Variants in CTNNA3 observed in about 807,000 individuals in gnomAD.
CTNNA3 encodes catenin alpha-3.
A neutral mutation model predicts 95.7 loss-of-function variants in CTNNA3; 76 were observed. The ratio of observed to expected loss-of-function variants is 0.79; its 90% CI spans 0.66 to 0.96. The LOEUF is 0.96. CTNNA3 is among the 40% of genes least tolerant of loss of function. The pLI, the probability that CTNNA3 is intolerant of heterozygous loss-of-function variation, is 0.00. For missense variants in CTNNA3, 1,191 were observed against 1,089.8 expected (o/e 1.09, Z -1.31); for synonymous variants, 431 against 374.4 (o/e 1.15, Z -1.74).
At chr10:66,928,420 A>C (rs752474332) in intron 7 of CTNNA3, 1 of 1,611,276 alleles carries the variant, frequency 6.2e-7, no homozygotes, top group East Asian at 2.2e-5. Context: ...GGGACCCTGC[A>C]CCTATAACAA....
In CTNNA3 at chr10:66,519,381, C is replaced by T. The variant is rs186035904; in HGVS notation, c.1531+1236G>A. 1.4e-3 allele frequency among the ~76,000 whole-genome samples: 216 copies of T among 152,240 alleles called. 5 individuals are homozygous for T. Among genetic ancestry groups the T allele is most frequent in the Middle Eastern group, 3.4e-3 (1 of 294 alleles). Reference sequence around the variant, plus strand: ...TTGTTTGTTTAATTCTTTAGATTAGCACTGTCAAATACATATAATGGTTGT... The same window carrying T: ...TTGTTTGTTTAATTCTTTAGATTAGTACTGTCAAATACATATAATGGTTGT... On this transcript the variant is annotated intron_variant, in intron 11 of 17. Transcript: ENST00000433211.
intron 11 of CTNNA3, among the ~76,000 whole-genome samples, chr10:66,414,142 T>G (rs1036638448): frequency 6.6e-6 from 1 of 152,150 alleles, no homozygotes; most frequent in Non-Finnish European, 1.5e-5. Context: ...ATTAGTATGT[T>G]TAAAACAAAT....
At chr10:67,312,036 G>T (rs1840829097) in intron 5 of CTNNA3, among the ~76,000 whole-genome samples, 1 of 150,844 alleles carries the variant, frequency 6.6e-6, no homozygotes, top group Non-Finnish European at 1.5e-5. Flanking sequence ...AAAGTGTTAA[G>T]TCTGCAAGGC....
chr10:66,877,902 C>T (rs1844686162), intron 7 of CTNNA3, among the ~76,000 whole-genome samples: 1 of 152,214 alleles, frequency 6.6e-6, no homozygotes, highest in East Asian at 1.9e-4. Flanking sequence ...ATGTTCAAAA[C>T]TTAGAAATAT....
rs540191982 is a variant in CTNNA3, at chr10:67,195,924, A to G, written c.844-15404T>C. Among the ~76,000 whole-genome samples the G allele has an allele frequency of 7.2e-5, 11 of 152,236 alleles. No homozygotes were observed. In the East Asian group the frequency reaches 2.1e-3, roughly 29 times the overall value. On this transcript the variant is annotated intron_variant, in intron 6 of 17. Coordinates refer to ENST00000433211, the MANE Select transcript of CTNNA3 (RefSeq NM_013266.4). ...TGAAAATACTAAAAATCTTACACCTATTCTCCAAAGTGAAATTGCCTATCA... is the reference window on the plus strand; with the variant it reads ...TGAAAATACTAAAAATCTTACACCTGTTCTCCAAAGTGAAATTGCCTATCA...
intron 7 of CTNNA3, among the ~76,000 whole-genome samples, chr10:67,025,531 G>A (rs1266726766): frequency 3.9e-5 from 6 of 152,088 alleles, no homozygotes; most frequent in Admixed American, 3.9e-4. Context: ...TATTAAAAGG[G>A]TGAAAATGTA....
At chr10:66,669,232 A>G (rs556294523) in intron 9 of CTNNA3, among the ~76,000 whole-genome samples, 1 of 152,204 alleles carries the variant, frequency 6.6e-6, no homozygotes, top group South Asian at 2.1e-4. Flanking sequence ...TGTGTGTCAT[A>G]GCAGATCATG....
intron 14 of CTNNA3, among the ~76,000 whole-genome samples, chr10:66,093,388 GT>G (rs2133701476): frequency 6.6e-6 from 1 of 152,104 alleles, no homozygotes; most frequent in African/African-American, 2.4e-5. Flanking sequence ...AGAAGTTTTT[GT>G]TTTATTAAAT....
At chr10:67,404,989 C>G (rs1845081517) in intron 5 of CTNNA3, among the ~76,000 whole-genome samples, 1 of 152,234 alleles carries the variant, frequency 6.6e-6, no homozygotes, top group Non-Finnish European at 1.5e-5. Context: ...AAATAAGATC[C>G]TTTTCAGACA....
At chr10:66,352,242 C>G (rs2092572101) in intron 12 of CTNNA3, among the ~76,000 whole-genome samples, 1 of 152,092 alleles carries the variant, frequency 6.6e-6, no homozygotes, top group East Asian at 1.9e-4. Context: ...TACATGGGCT[C>G]TTTGGGGCTA....
chr10:66,384,189 A>G (rs1254044206), intron 11 of CTNNA3, among the ~76,000 whole-genome samples: 1 of 152,184 alleles, frequency 6.6e-6, no homozygotes, highest in Non-Finnish European at 1.5e-5. Context: ...AGTGTGCTGT[A>G]TTCAGGAGAC....
intron 9 of CTNNA3, among the ~76,000 whole-genome samples, chr10:66,706,995 A>T (rs114066864): frequency 0.076 from 11,584 of 152,102 alleles, 486 homozygotes; most frequent in Middle Eastern, 0.13. Flanking sequence ...AGCAGAGAAT[A>T]TAAGAGACAC....
intron 7 of CTNNA3, among the ~76,000 whole-genome samples, chr10:66,811,560 A>G (rs1367678136): frequency 6.6e-6 from 1 of 152,174 alleles, no homozygotes; most frequent in East Asian, 1.9e-4. Context: ...TTAGCTGTAT[A>G]GAATTAGTCT....
intron 5 of CTNNA3, among the ~76,000 whole-genome samples, chr10:67,483,448 T>C (rs1462880139): frequency 1.3e-5 from 2 of 150,292 alleles, no homozygotes; most frequent in African/African-American, 5.0e-5. Flanking sequence ...TAAAAAATGA[T>C]GAGTTCATGT....
intron 5 of CTNNA3, among the ~76,000 whole-genome samples, chr10:67,241,060 G>T (rs1365591006): frequency 6.6e-6 from 1 of 152,192 alleles, no homozygotes; most frequent in Non-Finnish European, 1.5e-5. Context: ...TTCAGTGGCT[G>T]TACTTAATGC....
intron 7 of CTNNA3, among the ~76,000 whole-genome samples, chr10:66,822,413 C>A (rs1477728704): frequency 2.6e-5 from 4 of 152,102 alleles, no homozygotes; most frequent in Non-Finnish European, 5.9e-5. Context: ...TGTGACTAAC[C>A]ACTATTCCTG....
intron 9 of CTNNA3, among the ~76,000 whole-genome samples, chr10:66,661,350 C>G (rs1240395662): frequency 6.6e-6 from 1 of 151,994 alleles, no homozygotes; most frequent in East Asian, 1.9e-4. Flanking sequence ...ATAAACCCAT[C>G]GGTTCTTGTG....
rs1290041392 is a variant in CTNNA3 at position 66,354,858 on chromosome 10, GT to G, written c.1732+24293del. 1.7e-4 allele frequency among the ~76,000 whole-genome samples: 26 copies of G among 152,126 alleles called. 1 individual carries two copies. Among genetic ancestry groups the G allele is most frequent in the East Asian group, 5.8e-4 (3 of 5,166 alleles). On this transcript the variant is annotated intron_variant, in intron 12 of 17. Coordinates refer to ENST00000433211, the MANE Select transcript of CTNNA3 (RefSeq NM_013266.4). The stretch of plus-strand genomic sequence containing the variant: ...TAGTGCCTGATGCATAATAATATTT[GT>G]TGAATGAAAAATCACTGAAATAGAA...
At chr10:67,289,968 T>A (rs896660923) in intron 5 of CTNNA3, among the ~76,000 whole-genome samples, 9 of 143,356 alleles carry the variant, frequency 6.3e-5, no homozygotes, top group East Asian at 4.0e-4. Context: ...CAGGCTAATT[T>A]AAAAAAAAAA....
Sources: allele counts gnomAD v4.1 joint callset (sites outside exome capture counted in the v4.1 genomes callset), GRCh38; gene constraint gnomAD v4.1.1; transcripts MANE v1.5; gene names NCBI Gene and HGNC (gene_info 2026-07-23, HGNC 2026-07-21).